The following PPP2CB variants were observed in gnomAD, a reference collection of about 807,000 sequenced individuals.
The protein encoded by PPP2CB is serine/threonine-protein phosphatase 2A catalytic subunit beta isoform.
A neutral mutation model predicts 39.1 loss-of-function variants in PPP2CB; 18 were observed. The ratio of observed to expected loss-of-function variants is 0.46; its 90% CI spans 0.32 to 0.68. PPP2CB has a LOEUF of 0.68. PPP2CB is among the 30% of genes least tolerant of loss of function. The pLI, the probability that PPP2CB is intolerant of heterozygous loss-of-function variation, is 0.04. For missense variants in PPP2CB, 226 were observed against 396.9 expected (o/e 0.57, Z 3.66); for synonymous variants, 129 against 133.8 (o/e 0.96, Z 0.25).
chr8:30,806,978 A>G (rs1586128121), intron 1 of PPP2CB, among the ~76,000 whole-genome samples: 1 of 152,098 alleles, frequency 6.6e-6, no homozygotes, highest in Admixed American at 6.5e-5. Context: ...AACAAAGTCC[A>G]CTTTCCCGCC....
chr8:30,804,174 T>C (rs952020516), intron 1 of PPP2CB, among the ~76,000 whole-genome samples: 4 of 152,118 alleles, frequency 2.6e-5, no homozygotes, highest in Non-Finnish European at 5.9e-5. Context: ...ACTGGAAAAA[T>C]CCCTCACATT....
chr8:30,785,893 C>T lies in PPP2CB; in HGVS notation c.*342G>A, dbSNP rs184859469. On this transcript the variant is annotated 3_prime_UTR_variant, in exon 7 of 7. Transcript: ENST00000221138. ...AAACTCCAACTCTATTAATCCATGCCAGTTAAACACTATAACTAAAATTTC... is the reference window on the plus strand; with the variant it reads ...AAACTCCAACTCTATTAATCCATGCTAGTTAAACACTATAACTAAAATTTC... 9 of 448,850 alleles carry T rather than the reference C, an allele frequency of 2.0e-5. No homozygotes were observed. The highest frequency in any genetic ancestry group is 1.9e-4 in the Admixed American group (7 of 36,770). 27.8% of individuals were successfully genotyped at this position (448,850 alleles called of 1,614,324 possible).
At chr8:30,811,826 C>T (rs1806834441) in intron 1 of PPP2CB, among the ~76,000 whole-genome samples, 1 of 152,038 alleles carries the variant, frequency 6.6e-6, no homozygotes, top group Non-Finnish European at 1.5e-5. Flanking sequence ...CTGAGGTGCC[C>T]CGTTCACCTG....
At chr8:30,790,753 G>T (rs1211035664) in intron 6 of PPP2CB, among the ~76,000 whole-genome samples, 1 of 152,208 alleles carries the variant, frequency 6.6e-6, no homozygotes, top group Non-Finnish European at 1.5e-5. Context: ...CAGACTAGGA[G>T]AGGTGAGATA....
Position 30,812,620 on chromosome 8 carries a change from C to T in PPP2CB, c.-199G>A. On this transcript the variant is annotated 5_prime_UTR_variant, in exon 1 of 7. Transcript: ENST00000221138. ...CCCAAGCCCAGCAGGCGGCTCCGAG[C>T]GCGCAGCCTGGAGGAGACCCCCGCC... is the stretch of plus-strand genomic sequence containing the variant. 6.1e-6 allele frequency: 2 copies of T among 330,430 alleles called. No homozygotes were observed. Among genetic ancestry groups the T allele is most frequent in the Non-Finnish European group, 1.1e-5 (2 of 185,838 alleles). 20.5% of individuals were successfully genotyped at this position (330,430 alleles called of 1,614,324 possible). A position where few individuals can be genotyped will look rare whatever the true frequency, so the allele number is the denominator to read the frequency against.
At chr8:30,807,692 A>T (rs1806746617) in intron 1 of PPP2CB, among the ~76,000 whole-genome samples, 1 of 152,224 alleles carries the variant, frequency 6.6e-6, no homozygotes, top group Admixed American at 6.5e-5. Flanking sequence ...TTTCTGAGAC[A>T]ACAGTTAAAT....
rs1806329075 is a variant in PPP2CB, at chr8:30,785,769, CAAG to C, written c.*463_*465del. The C allele has an allele frequency of 1.0e-5, 3 of 291,422 alleles. No homozygotes were observed. Among genetic ancestry groups the C allele is most frequent in the Admixed American group, 4.8e-5 (1 of 20,880 alleles). The allele number at this position is 291,422 out of a possible 1,614,324, so 18.1% of individuals were successfully genotyped here. ...TTTAAATGTTATGACAACATACTCC[CAAG>C]AAGAACCTTTTCTTCAGTTAAGTTA... On this transcript the variant is annotated 3_prime_UTR_variant, in exon 7 of 7. Transcript: ENST00000221138.
At chr8:30,811,824 C>A (rs552084654) in intron 1 of PPP2CB, among the ~76,000 whole-genome samples, 1 of 152,182 alleles carries the variant, frequency 6.6e-6, no homozygotes, top group South Asian at 2.1e-4. Flanking sequence ...TTCTGAGGTG[C>A]CCCGTTCACC....
At chr8:30,786,338 G>A (rs1425277519) in intron 6 of PPP2CB, 31 bp from the exon 7 acceptor site, 2 of 1,517,842 alleles carry the variant, frequency 1.3e-6, no homozygotes, top group Admixed American at 4.1e-5. Flanking sequence ...AGCAAATAAA[G>A]GATCTGACTT....
intron 5 of PPP2CB, 182 bp from the exon 6 acceptor site, chr8:30,791,497 G>C (rs539015653): frequency 1.9e-6 from 1 of 526,452 alleles, no homozygotes; most frequent in Non-Finnish European, 3.3e-6. Context: ...TGTGCAATTC[G>C]TGGGCCTAGG....
intron 1 of PPP2CB, among the ~76,000 whole-genome samples, chr8:30,808,636 A>T (rs1434961763): frequency 1.3e-5 from 2 of 152,182 alleles, no homozygotes; most frequent in Non-Finnish European, 2.9e-5. Flanking sequence ...AAGGTAGGGC[A>T]AGTATTAAGT....
chr8:30,787,708 T>A (rs1806367209), intron 6 of PPP2CB, among the ~76,000 whole-genome samples: 1 of 152,072 alleles, frequency 6.6e-6, no homozygotes, highest in Admixed American at 6.6e-5. Context: ...TTGTGGGGAG[T>A]TTTAACTTTT....
At chr8:30,803,295 C>A (rs1806657316) in intron 1 of PPP2CB, among the ~76,000 whole-genome samples, 1 of 152,020 alleles carries the variant, frequency 6.6e-6, no homozygotes, top group African/African-American at 2.4e-5. Flanking sequence ...GTAATCCCAG[C>A]ACTTTTGGAG....
intron 5 of PPP2CB, among the ~76,000 whole-genome samples, chr8:30,792,020 G>A (rs1586121619): frequency 6.7e-6 from 1 of 149,670 alleles, no homozygotes; most frequent in East Asian, 2.0e-4. Context: ...ATACATGTGT[G>A]TATATATGTA....
Position 30,803,313 on chromosome 8 carries a change from C to T in PPP2CB, c.103-3558G>A, listed in dbSNP as rs927980114. ...ATCCCAGCACTTTTGGAGGCCGAGG[C>T]AGAAGGATCACTTGAGTCCAGGAGT... On this transcript the variant is annotated intron_variant, in intron 1 of 6. Transcript: ENST00000221138. Among the ~76,000 whole-genome samples, 18 of 152,054 alleles carry T rather than the reference C, an allele frequency of 1.2e-4. No individual in the cohort carries two copies. The East Asian group carries it at 3.5e-3, about 30-fold the overall frequency.
intron 2 of PPP2CB, among the ~76,000 whole-genome samples, chr8:30,798,133 C>T (rs1462201658): frequency 6.6e-6 from 1 of 152,182 alleles, no homozygotes; most frequent in Non-Finnish European, 1.5e-5. Context: ...GTGAAAATCA[C>T]AGGTTTGAAG....
chr8:30,804,936 ATCT>A (rs901421199), intron 1 of PPP2CB, among the ~76,000 whole-genome samples: 3 of 152,046 alleles, frequency 2.0e-5, no homozygotes, highest in African/African-American at 7.2e-5. Context: ...CACTGTCCCC[ATCT>A]TCTGCTTTTT....
intron 1 of PPP2CB, among the ~76,000 whole-genome samples, chr8:30,803,654 C>T (rs919236203): frequency 6.6e-6 from 1 of 151,742 alleles, no homozygotes. Flanking sequence ...TTCTCATGTG[C>T]GCTTAAAGTT....
chr8:30,798,880 A>G (rs995195089), intron 2 of PPP2CB, among the ~76,000 whole-genome samples: 1 of 152,222 alleles, frequency 6.6e-6, no homozygotes, highest in African/African-American at 2.4e-5. Context: ...GCAGAAAGGT[A>G]AGAAATCAGG....
Sources: allele counts gnomAD v4.1 joint callset (sites outside exome capture counted in the v4.1 genomes callset), GRCh38; gene constraint gnomAD v4.1.1; transcripts MANE v1.5; gene names NCBI Gene and HGNC (gene_info 2026-07-23, HGNC 2026-07-21).